The following CPED1 variants were observed in gnomAD, a reference collection of about 807,000 sequenced individuals.
CPED1 encodes cadherin like and PC-esterase domain containing 1, also known as cadherin-like and PC-esterase domain-containing protein 1.
Under a neutral mutation model 128.2 loss-of-function variants are expected in CPED1, and 114 were observed. The ratio of observed to expected loss-of-function variants is 0.89; its 90% CI spans 0.76 to 1.04. The LOEUF (loss-of-function observed/expected upper bound fraction) is 1.04, where lower values mean the gene tolerates loss of function less well. CPED1 is among the 50% of genes least tolerant of loss of function. The pLI is 0.00. For missense variants in CPED1, 1,211 were observed against 1,207.1 expected (o/e 1.00, Z -0.05); for synonymous variants, 462 against 426.7 (o/e 1.08, Z -1.02).
At chr7:121,006,277 T>C (rs1249156403) in intron 2 of CPED1, among the ~76,000 whole-genome samples, 2 of 152,052 alleles carry the variant, frequency 1.3e-5, no homozygotes, top group Non-Finnish European at 2.9e-5. Context: ...TATTTCATAA[T>C]TGTGGATTGT....
chr7:121,159,145 T>G (rs1158973586), intron 16 of CPED1, among the ~76,000 whole-genome samples: 1 of 152,164 alleles, frequency 6.6e-6, no homozygotes, highest in Admixed American at 6.5e-5. Context: ...CTAGTGAGTA[T>G]GTTGATAAAT....
chr7:121,200,382 A>G (rs1382493310), intron 16 of CPED1, among the ~76,000 whole-genome samples: 1 of 152,132 alleles, frequency 6.6e-6, no homozygotes, highest in Non-Finnish European at 1.5e-5. Flanking sequence ...TACATTTCCT[A>G]TTCTTAATTG....
At chr7:121,248,597 A>AAC (rs1554357357) in intron 18 of CPED1, among the ~76,000 whole-genome samples, 1 of 149,174 alleles carries the variant, frequency 6.7e-6, no homozygotes, top group Non-Finnish European at 1.5e-5. Context: ...TGTGAAACAA[A>AAC]AAAAAAAAAA....
At chr7:121,213,596 G>A (rs902571696) in intron 16 of CPED1, among the ~76,000 whole-genome samples, 7 of 151,984 alleles carry the variant, frequency 4.6e-5, no homozygotes, top group Non-Finnish European at 1.5e-5. Flanking sequence ...ACCCATGAAT[G>A]TCAATAAGAT....
At chr7:121,112,154 G>A (rs1055263112) in intron 7 of CPED1, among the ~76,000 whole-genome samples, 2 of 152,138 alleles carry the variant, frequency 1.3e-5, no homozygotes, top group Admixed American at 1.3e-4. Flanking sequence ...ACTTGAAAAG[G>A]CCAAGTCCTT....
intron 5 of CPED1, among the ~76,000 whole-genome samples, chr7:121,072,496 G>T (rs928376160): frequency 4.6e-5 from 7 of 152,072 alleles, no homozygotes; most frequent in Admixed American, 1.3e-4. Flanking sequence ...AGTTCCTAAT[G>T]CTTTTTTCAA....
rs1338030260 is a variant in CPED1 at position 121,093,409 on chromosome 7, C to T, written c.617-4290C>T. Among the ~76,000 whole-genome samples the T allele has an allele frequency of 2.6e-5, 4 of 151,134 alleles. 1 individual carries two copies. The highest frequency in any genetic ancestry group is 2.0e-4 in the Admixed American group (3 of 15,172). On this transcript the variant is annotated intron_variant, in intron 5 of 22. Transcript: ENST00000310396. Reference sequence around the variant, plus strand: ...CTCCCTTTTTCTGTACACACACACACACACACACACACACACACAGTTGTT... The same window carrying T: ...CTCCCTTTTTCTGTACACACACACATACACACACACACACACACAGTTGTT...
At chr7:121,236,154 T>C (rs1485576766) in intron 16 of CPED1, among the ~76,000 whole-genome samples, 1 of 152,164 alleles carries the variant, frequency 6.6e-6, no homozygotes, top group Non-Finnish European at 1.5e-5. Flanking sequence ...CGTTCTGTTC[T>C]ACATCTGTCA....
chr7:121,036,662 G>A (rs114971598), intron 3 of CPED1, among the ~76,000 whole-genome samples: 2,943 of 151,868 alleles, frequency 0.019, 96 homozygotes, highest in African/African-American at 0.067. Flanking sequence ...CCTAGTAGTG[G>A]GATGGCTGAA....
intron 5 of CPED1, among the ~76,000 whole-genome samples, chr7:121,083,239 C>A (rs920970296): frequency 6.6e-6 from 1 of 152,146 alleles, no homozygotes; most frequent in Admixed American, 6.5e-5. Flanking sequence ...CCAATGCAAA[C>A]CTTACAGTCC....
chr7:121,139,282 A>G (rs140007493), intron 14 of CPED1, among the ~76,000 whole-genome samples: 226 of 152,184 alleles, frequency 1.5e-3, no homozygotes, highest in African/African-American at 5.0e-3. Context: ...ATTTTTTATG[A>G]AATAAAATTA....
intron 7 of CPED1, among the ~76,000 whole-genome samples, chr7:121,111,148 T>A (rs1407150937): frequency 6.6e-6 from 1 of 152,170 alleles, no homozygotes; most frequent in African/African-American, 2.4e-5. Context: ...GCAGCTTACC[T>A]GTTGAGGCTG....
At chr7:121,077,303 A>T (rs1794154228) in intron 5 of CPED1, among the ~76,000 whole-genome samples, 1 of 152,156 alleles carries the variant, frequency 6.6e-6, no homozygotes, top group South Asian at 2.1e-4. Context: ...GTTAATGAAA[A>T]TGGAAGTCAA....
At chr7:120,989,343 G>C in intron 1 of CPED1, 48 bp from the exon 2 acceptor site, 1 of 406,666 alleles carries the variant, frequency 2.5e-6, no homozygotes, top group Non-Finnish European at 4.6e-6. Flanking sequence ...GGTACACTCA[G>C]GTTATTCGTT....
intron 16 of CPED1, among the ~76,000 whole-genome samples, chr7:121,204,121 T>C (rs1797465858): frequency 6.6e-6 from 1 of 152,072 alleles, no homozygotes; most frequent in African/African-American, 2.4e-5. Context: ...TAAAAACCTC[T>C]TTCGCCTATT....
At chr7:121,242,450 T>TA (rs1438951306) in intron 17 of CPED1, among the ~76,000 whole-genome samples, 1 of 152,216 alleles carries the variant, frequency 6.6e-6, no homozygotes, top group Admixed American at 6.5e-5. Context: ...AACTATTCTT[T>TA]AAAAATTATT....
chr7:121,106,926 A>G (rs1213093213), intron 7 of CPED1, among the ~76,000 whole-genome samples: 2 of 152,154 alleles, frequency 1.3e-5, no homozygotes, highest in Non-Finnish European at 2.9e-5. Flanking sequence ...GTTTAGAGTA[A>G]AAACCAAGCC....
rs781363857 is a variant in CPED1 at position 121,047,005 on chromosome 7, C to G, written c.540+12C>G. ...GTTTACATCAAAAGGTAAATACTCT[C>G]AAGATGTGCACAGATTTTATCAGCC... On this transcript the variant is annotated intron_variant, in intron 4 of 22. Coordinates refer to ENST00000310396, the MANE Select transcript of CPED1 (RefSeq NM_024913.5). The G allele has an allele frequency of 6.6e-7, 1 of 1,511,924 alleles. No homozygotes were observed. Among genetic ancestry groups the G allele is most frequent in the Non-Finnish European group, 9.2e-7 (1 of 1,087,800 alleles). The allele number at this position is 1,511,924 out of a possible 1,614,324, so 93.7% of individuals were successfully genotyped here.
rs553167437 is a variant in CPED1 at position 121,261,492 on chromosome 7, A to G, written c.2311-4735A>G. ...CTTCTCCATAGCACACAACTTGACT[A>G]TATTTCTCAGTGTCTCCTGACATTA... On this transcript the variant is annotated intron_variant, in intron 18 of 22. Coordinates refer to ENST00000310396, the MANE Select transcript of CPED1 (RefSeq NM_024913.5). 4.7e-5 allele frequency: 58 copies of G among 1,243,950 alleles called. 1 individual carries two copies. The South Asian group carries it at 7.6e-4, about 16-fold the overall frequency. 77.1% of individuals were successfully genotyped at this position (1,243,950 alleles called of 1,614,324 possible).
Sources: gnomAD v4.1 joint callset for allele counts (sites outside exome capture counted in the v4.1 genomes callset) on GRCh38, gnomAD v4.1.1 for gene constraint, MANE v1.5 for transcripts, NCBI Gene and HGNC (gene_info 2026-07-23, HGNC 2026-07-21) for gene names.